The following SPG7 variants were observed in gnomAD, a reference collection of about 807,000 sequenced individuals.
The protein encoded by SPG7 is SPG7 matrix AAA peptidase subunit, paraplegin.
SPG7 carries 103 observed loss-of-function variants against 81.9 expected under a neutral mutation model. The ratio of observed to expected loss-of-function variants is 1.26; its 90% confidence interval spans 1.07 to 1.48. The LOEUF (loss-of-function observed/expected upper bound fraction) is 1.48, where lower values mean the gene tolerates loss of function less well. Among genes scored for constraint, SPG7 ranks in the 40% most tolerant of loss-of-function variants. SPG7 has a pLI of 0.00. For missense variants in SPG7, 1,241 were observed against 1,087.3 expected (o/e 1.14, Z -1.99); for synonymous variants, 534 against 444.2 (o/e 1.20, Z -2.54).
At chr16:89,548,683 G>A (rs963278445) in intron 12 of SPG7, 63 of 340,040 alleles carry the variant, frequency 1.9e-4, no homozygotes, top group South Asian at 1.2e-3. Flanking sequence ...CTGCCGTTCC[G>A]TGGCTGCTCA....
At chr16:89,512,240 G>C (rs754343971) in intron 2 of SPG7, among the ~76,000 whole-genome samples, 2 of 151,232 alleles carry the variant, frequency 1.3e-5, no homozygotes, top group Non-Finnish European at 1.5e-5. Flanking sequence ...GATTTGTTCA[G>C]ATTTTGAGAC....
chr16:89,532,760 A>G, intron 9 of SPG7, 124 bp downstream of exon 9: 1 of 1,181,410 alleles, frequency 8.5e-7, no homozygotes. Flanking sequence ...ACAGAGTGAG[A>G]CTCTGTCTCA....
chr16:89,529,206 C>G (rs538015965), intron 5 of SPG7: 1 of 519,382 alleles, frequency 1.9e-6, no homozygotes, highest in Non-Finnish European at 3.5e-6. Flanking sequence ...ATAGAAAAAC[C>G]TGAACGTTGT....
intron 7 of SPG7, 171 bp downstream of exon 7, chr16:89,530,979 G>A: frequency 1.2e-6 from 1 of 837,662 alleles, no homozygotes; most frequent in South Asian, 1.5e-5. Context: ...TGTTCAACCA[G>A]CAGCACAAGC....
chr16:89,543,935 C>G (rs1456801471), intron 9 of SPG7: 1 of 154,150 alleles, frequency 6.5e-6, no homozygotes, highest in African/African-American at 2.4e-5. Flanking sequence ...GCGTGAGCCA[C>G]TGCACCTGGT....
chr16:89,512,853 T>C, intron 2 of SPG7, 95 bp from the exon 3 acceptor site: 1 of 1,397,092 alleles, frequency 7.2e-7, no homozygotes, highest in South Asian at 1.2e-5. Context: ...ATGGTTTTTG[T>C]TTTGCTTTGG....
At chr16:89,537,107 C>A in intron 9 of SPG7, 1 of 1,500,484 alleles carries the variant, frequency 6.7e-7, no homozygotes, top group Admixed American at 2.1e-5. Context: ...AGAGCCACAG[C>A]TGTGCATGCT....
intron 16 of SPG7, chr16:89,554,919 T>TA (rs1325066855): frequency 3.7e-6 from 1 of 270,288 alleles, no homozygotes; most frequent in Non-Finnish European, 7.3e-6. Flanking sequence ...GGAATTTTTT[T>TA]TTCTTTTTTT....
chr16:89,529,970 G>C (rs1184617451), intron 6 of SPG7: 5 of 323,084 alleles, frequency 1.5e-5, no homozygotes, highest in Non-Finnish European at 3.0e-5. Flanking sequence ...TTCCCGAGTA[G>C]CTGGGATTAC....
In SPG7 at chr16:89,555,959, G is replaced by T. The variant is rs2058684198; in HGVS notation, c.2182-928G>T. Reference sequence around the variant, plus strand: ...GCCAGCAGCAGCCGCCTCTGGGCAGGTGTGGGCGGTGCCGTCCCCGGCTGA... The same window carrying T: ...GCCAGCAGCAGCCGCCTCTGGGCAGTTGTGGGCGGTGCCGTCCCCGGCTGA... On this transcript the variant is annotated intron_variant, in intron 16 of 16. Transcript: ENST00000645818. The T allele has an allele frequency of 7.5e-6, 3 of 398,860 alleles. No homozygotes were observed. In the South Asian group the frequency reaches 3.8e-4, roughly 51 times the overall value. The allele number at this position is 398,860 out of a possible 1,614,324, so 24.7% of individuals were successfully genotyped here.
At chr16:89,529,240 C>T in intron 5 of SPG7, 2 of 580,958 alleles carry the variant, frequency 3.4e-6, no homozygotes, top group South Asian at 4.0e-5. Flanking sequence ...CTGGCTAGAT[C>T]TCCGGCATCT....
At position 89,553,049 on chromosome 16, in the gene SPG7, T is replaced by G; in HGVS notation, c.1850T>G (p.Phe617Cys). ...AQMLPRDQHLFTKEQLFERMC... is the reference protein window; with the variant it reads ...AQMLPRDQHLCTKEQLFERMC... ...ATGCTCCCCAGAGACCAGCACCTCT[T>G]CACCAAGGAGCAGCTGTTTGAGCGG... Residue 617 changes from phenylalanine (F) to cysteine (C), a missense_variant, in exon 14 of 17, where the codon TTC (phenylalanine) becomes TGC (cysteine). Transcript: ENST00000645818. The G allele has an allele frequency of 6.2e-7, 1 of 1,614,028 alleles. No individual in the cohort carries two copies. Among genetic ancestry groups the G allele is most frequent in the Non-Finnish European group, 8.5e-7 (1 of 1,180,000 alleles).
intron 12 of SPG7, chr16:89,549,216 G>A (rs1273456409): frequency 2.2e-6 from 1 of 456,866 alleles, no homozygotes. Flanking sequence ...GGAACCACAA[G>A]CCAGTTGAAA....
intron 1 of SPG7, 80 bp downstream of exon 1, chr16:89,508,680 G>A: frequency 3.8e-6 from 5 of 1,324,600 alleles, no homozygotes; most frequent in Non-Finnish European, 5.0e-6. Context: ...CGGGTCGGAG[G>A]CCGCCTGGCC....
chr16:89,519,676 C>A (rs1364396638), intron 3 of SPG7: 1 of 152,232 alleles, frequency 6.6e-6, no homozygotes, highest in African/African-American at 2.4e-5. Context: ...GCCACCGCGC[C>A]CGGCAGCAGT....
rs62071462 is a variant in SPG7 at position 89,530,827 on chromosome 16, G to A, written c.987+19G>A. 3.8e-3 allele frequency: 6,151 copies of A among 1,613,648 alleles called. 13 individuals carry two copies. The highest frequency in any genetic ancestry group is 4.8e-3 in the Non-Finnish European group (5,632 of 1,179,952). ...TCTGAAGGTGAAAGCAGCGTGGGCC[G>A]GGAGGGAGGTGTGAGCAGAGGCCGG... is the stretch of plus-strand genomic sequence containing the variant. On this transcript the variant is annotated intron_variant, in intron 7 of 16. Transcript: ENST00000645818.
intron 16 of SPG7, 36 bp downstream of exon 16, chr16:89,554,599 A>T (rs2058668667): frequency 2.7e-6 from 4 of 1,482,200 alleles, no homozygotes; most frequent in Non-Finnish European, 3.7e-6. Flanking sequence ...CTACGGCGTC[A>T]CACAGTGTCC....
chr16:89,508,654 G>C, intron 1 of SPG7, 54 bp downstream of exon 1: 2 of 1,422,956 alleles, frequency 1.4e-6, no homozygotes, highest in South Asian at 3.0e-5. Context: ...GCTCTGTAAG[G>C]CCCAGCCCGG....
intron 14 of SPG7, 108 bp from the exon 15 acceptor site, chr16:89,553,686 G>C: frequency 9.2e-7 from 1 of 1,082,046 alleles, no homozygotes; most frequent in Non-Finnish European, 1.4e-6. Context: ...TCGGGAGGAA[G>C]GGGATGGAGG....
Sources: allele counts gnomAD v4.1 joint callset (sites outside exome capture counted in the v4.1 genomes callset), GRCh38; gene constraint gnomAD v4.1.1; transcripts MANE v1.5; gene names NCBI Gene and HGNC (gene_info 2026-07-23, HGNC 2026-07-21).